ATP10B: variants seen among roughly 807,000 people sequenced by gnomAD.
The protein encoded by ATP10B is ATPase phospholipid transporting 10B (putative).
A neutral mutation model predicts 141.2 loss-of-function variants in ATP10B; 122 were observed. The observed-to-expected ratio is 0.86, with a 90% CI of 0.75 to 1.00. The LOEUF (loss-of-function observed/expected upper bound fraction) is 1.00, where lower values mean the gene tolerates loss of function less well. Among genes scored for constraint, ATP10B ranks in the 50% least tolerant of loss-of-function variants. ATP10B has a pLI of 0.00. For missense variants in ATP10B, 1,876 were observed against 1,825.3 expected (o/e 1.03, Z -0.51); for synonymous variants, 685 against 692.0 (o/e 0.99, Z 0.16).
intron 2 of ATP10B, among the ~76,000 whole-genome samples, chr5:160,771,679 C>A (rs181364888): frequency 6.6e-6 from 1 of 151,058 alleles, no homozygotes; most frequent in African/African-American, 2.4e-5. Context: ...TCTACTCTTA[C>A]CAAATTTCTA....
At chr5:160,570,052 T>C (rs1222621302) in intron 24 of ATP10B, among the ~76,000 whole-genome samples, 1 of 152,194 alleles carries the variant, frequency 6.6e-6, no homozygotes, top group Admixed American at 6.5e-5. Flanking sequence ...GTTTGTGTGA[T>C]GAGCCCATTT....
chr5:160,867,791 A>C, the ATP10B span, among the ~76,000 whole-genome samples: 4 of 152,198 alleles, frequency 2.6e-5, no homozygotes, highest in Non-Finnish European at 5.9e-5. Flanking sequence ...ATTTGGGAAG[A>C]AATCATTGAT....
the ATP10B span, among the ~76,000 whole-genome samples, chr5:160,924,968 T>A: frequency 6.6e-6 from 1 of 152,052 alleles, no homozygotes; most frequent in Non-Finnish European, 1.5e-5. Flanking sequence ...TTCTGGTCAA[T>A]CTGGTGAAAT....
the ATP10B span, among the ~76,000 whole-genome samples, chr5:160,912,895 G>A: frequency 6.6e-6 from 1 of 152,168 alleles, no homozygotes; most frequent in Non-Finnish European, 1.5e-5. Context: ...CTGCTTCTTT[G>A]AGAAATAGGT....
chr5:160,907,195 TC>T, the ATP10B span, among the ~76,000 whole-genome samples: 1 of 152,160 alleles, frequency 6.6e-6, no homozygotes, highest in South Asian at 2.1e-4. Context: ...TCATGCAGGT[TC>T]AATAAAAGCT....
At chr5:160,698,387 C>T (rs1764491597) in intron 3 of ATP10B, among the ~76,000 whole-genome samples, 2 of 152,016 alleles carry the variant, frequency 1.3e-5, no homozygotes, top group East Asian at 1.9e-4. Flanking sequence ...TTTTAAGTGT[C>T]GCAGATACTG....
At chr5:160,846,151 T>C (rs1404815744) in intron 1 of ATP10B, among the ~76,000 whole-genome samples, 1 of 151,830 alleles carries the variant, frequency 6.6e-6, no homozygotes, top group African/African-American at 2.4e-5. Flanking sequence ...ACAAACTGTT[T>C]ACTATTGGGT....
chr5:160,726,169 A>G (rs999910109), intron 2 of ATP10B, among the ~76,000 whole-genome samples: 3 of 152,084 alleles, frequency 2.0e-5, no homozygotes, highest in Non-Finnish European at 4.4e-5. Context: ...AACATGGTCA[A>G]TGTCACTCTG....
At chr5:160,581,158 G>T (rs923053927) in intron 24 of ATP10B, among the ~76,000 whole-genome samples, 3 of 152,002 alleles carry the variant, frequency 2.0e-5, no homozygotes, top group Non-Finnish European at 4.4e-5. Flanking sequence ...CTTCAGTTCT[G>T]CTCTGATCTT....
chr5:160,741,692 A>T (rs2127807748), intron 2 of ATP10B, among the ~76,000 whole-genome samples: 1 of 152,338 alleles, frequency 6.6e-6, no homozygotes, highest in South Asian at 2.1e-4. Flanking sequence ...AAGCAATTAG[A>T]GGCAGATGAT....
chr5:160,901,560 A>G, the ATP10B span, among the ~76,000 whole-genome samples: 1 of 152,188 alleles, frequency 6.6e-6, no homozygotes, highest in Admixed American at 6.5e-5. Flanking sequence ...CGTCAAAGCA[A>G]ACATTGATAG....
At chr5:160,817,911 T>C (rs912642884) in intron 1 of ATP10B, among the ~76,000 whole-genome samples, 15 of 152,184 alleles carry the variant, frequency 9.9e-5, no homozygotes, top group Admixed American at 3.9e-4. Context: ...CGATTCCCTA[T>C]TTAATAAATG....
chr5:160,702,905 C>T lies in ATP10B; in HGVS notation c.-204-13962G>A, dbSNP rs143600052. Reference sequence around the variant, plus strand: ...TATCTTTTAATAGTAGTTTATGCCACCTCTATTTTCTATATACCATTTTTA... The same window carrying T: ...TATCTTTTAATAGTAGTTTATGCCATCTCTATTTTCTATATACCATTTTTA... On this transcript the variant is annotated intron_variant, in intron 3 of 25. Coordinates refer to ENST00000327245, the MANE Select transcript of ATP10B (RefSeq NM_025153.3). 2.4e-3 allele frequency among the ~76,000 whole-genome samples: 368 copies of T among 152,262 alleles called. 1 individual carries two copies. The highest frequency in any genetic ancestry group is 8.6e-3 in the African/African-American group (358 of 41,552).
chr5:160,803,315 G>A (rs577116676), intron 1 of ATP10B, among the ~76,000 whole-genome samples: 1 of 152,280 alleles, frequency 6.6e-6, no homozygotes, highest in African/African-American at 2.4e-5. Flanking sequence ...TGTGCTAAAT[G>A]CTTTACACAT....
chr5:160,884,372 G>A, the ATP10B span, among the ~76,000 whole-genome samples: 3 of 152,198 alleles, frequency 2.0e-5, no homozygotes, highest in Non-Finnish European at 2.9e-5. Context: ...GAAGGGGACT[G>A]ACATGTATAA....
intron 7 of ATP10B, among the ~76,000 whole-genome samples, chr5:160,655,071 T>A (rs1235627949): frequency 6.6e-6 from 1 of 152,132 alleles, no homozygotes; most frequent in African/African-American, 2.4e-5. Flanking sequence ...CTTTTCTATG[T>A]TCATTACTCA....
chr5:160,660,821 A>T (rs887782024), intron 7 of ATP10B, among the ~76,000 whole-genome samples: 2 of 152,216 alleles, frequency 1.3e-5, no homozygotes, highest in Non-Finnish European at 2.9e-5. Flanking sequence ...TCCTACTACC[A>T]TGTTGTAAAA....
At chr5:160,569,117 C>A (rs1299860392) in intron 25 of ATP10B, among the ~76,000 whole-genome samples, 1 of 152,130 alleles carries the variant, frequency 6.6e-6, no homozygotes, top group Non-Finnish European at 1.5e-5. Context: ...AACTTGCTGG[C>A]CTGTCCCTGT....
At chr5:160,650,339 A>T (rs1760645035) in intron 7 of ATP10B, among the ~76,000 whole-genome samples, 1 of 152,130 alleles carries the variant, frequency 6.6e-6, no homozygotes, top group Non-Finnish European at 1.5e-5. Flanking sequence ...CTGAGTAGCT[A>T]GATTAAACAT....
Sources: gnomAD v4.1 joint callset for allele counts (sites outside exome capture counted in the v4.1 genomes callset) on GRCh38, gnomAD v4.1.1 for gene constraint, MANE v1.5 for transcripts, NCBI Gene and HGNC (gene_info 2026-07-23, HGNC 2026-07-21) for gene names.